The following RGS20 variants were observed in gnomAD, a reference collection of about 807,000 sequenced individuals.
RGS20 encodes the protein gz-selective GTPase-activating protein.
A neutral mutation model predicts 33.6 loss-of-function variants in RGS20; 30 were observed. That is an observed-to-expected ratio of 0.89 (90% CI 0.67 to 1.21). The LOEUF (loss-of-function observed/expected upper bound fraction) is 1.21, where lower values mean the gene tolerates loss of function less well. RGS20 is among the 50% of genes most tolerant of loss of function. RGS20 has a pLI of 0.00. For missense variants in RGS20, 472 were observed against 502.4 expected, an observed-to-expected ratio of 0.94 and a Z score of 0.58; for synonymous variants, 208 against 197.9, an observed-to-expected ratio of 1.05 and a Z score of -0.43.
chr8:53,933,809 G>T (rs1814046581), intron 2 of RGS20: 1 of 152,130 alleles, frequency 6.6e-6, no homozygotes, highest in East Asian at 1.9e-4. Flanking sequence ...ATAATCATCA[G>T]ATTCACCAAG....
At chr8:53,912,660 TTTTA>T (rs1479674465) in intron 2 of RGS20, among the ~76,000 whole-genome samples, 2 of 152,120 alleles carry the variant, frequency 1.3e-5, no homozygotes, top group African/African-American at 4.8e-5. Flanking sequence ...TCATAGGTGA[TTTTA>T]TTTGTGTATA....
intron 2 of RGS20, among the ~76,000 whole-genome samples, chr8:53,888,446 T>G (rs1045503278): frequency 3.3e-5 from 5 of 152,170 alleles, no homozygotes; most frequent in African/African-American, 1.2e-4. Context: ...GAACCACCAT[T>G]TAGATCAGGG....
At chr8:53,881,765 G>A (rs1228833335) in intron 2 of RGS20, among the ~76,000 whole-genome samples, 5 of 152,230 alleles carry the variant, frequency 3.3e-5, no homozygotes, top group African/African-American at 4.8e-5. Context: ...CCTGCGCCAG[G>A]GCAGTTAACG....
At chr8:53,874,844 G>C (rs1812162534) in intron 1 of RGS20, among the ~76,000 whole-genome samples, 2 of 152,286 alleles carry the variant, frequency 1.3e-5, no homozygotes, top group East Asian at 3.9e-4. Flanking sequence ...AATTACATCT[G>C]CTGCAATGCT....
rs1460600175 is a variant in RGS20 at position 53,948,360 on chromosome 8, A to G, written c.743+1612A>G. Reference sequence around the variant, plus strand: ...CAGTATATATTTATATATGCTATATATAAGACACAGTATATATTTATATAT... The same window carrying G: ...CAGTATATATTTATATATGCTATATGTAAGACACAGTATATATTTATATAT... On this transcript the variant is annotated intron_variant, in intron 4 of 5. Coordinates refer to ENST00000297313, the MANE Select transcript of RGS20 (RefSeq NM_170587.4). Among the ~76,000 whole-genome samples, 7 of 141,618 alleles carry G rather than the reference A, an allele frequency of 4.9e-5. No individual in the cohort carries two copies. In the East Asian group the frequency reaches 1.5e-3, roughly 30 times the overall value. The allele number at this position is 141,618 out of a possible 152,430, so 92.9% of individuals were successfully genotyped here. A position where few individuals can be genotyped will look rare whatever the true frequency, so the allele number is the denominator to read the frequency against.
chr8:53,915,241 C>G (rs182798859), intron 2 of RGS20, among the ~76,000 whole-genome samples: 2 of 152,232 alleles, frequency 1.3e-5, no homozygotes, highest in African/African-American at 4.8e-5. Context: ...AGAGGTTGCG[C>G]AGACCAACAG....
intron 1 of RGS20, among the ~76,000 whole-genome samples, chr8:53,862,306 G>A (rs948467733): frequency 6.6e-6 from 1 of 152,076 alleles, no homozygotes; most frequent in East Asian, 1.9e-4. Flanking sequence ...AATCTACAGG[G>A]AACACTCATA....
At chr8:53,904,267 G>T (rs1013027677) in intron 2 of RGS20, among the ~76,000 whole-genome samples, 1 of 152,030 alleles carries the variant, frequency 6.6e-6, no homozygotes, top group African/African-American at 2.4e-5. Context: ...AAGTAGCTGG[G>T]ATTACAGGTG....
At chr8:53,911,853 A>G (rs989453056) in intron 2 of RGS20, among the ~76,000 whole-genome samples, 1 of 152,212 alleles carries the variant, frequency 6.6e-6, no homozygotes, top group Non-Finnish European at 1.5e-5. Context: ...AGGCATGAGA[A>G]TCGCTTGAAC....
chr8:53,866,811 G>A (rs1811929641), intron 1 of RGS20, among the ~76,000 whole-genome samples: 1 of 152,148 alleles, frequency 6.6e-6, no homozygotes, highest in African/African-American at 2.4e-5. Context: ...AGAGAGCTGG[G>A]AAGTAACTGT....
intron 1 of RGS20, among the ~76,000 whole-genome samples, chr8:53,874,835 A>G (rs542825583): frequency 6.0e-4 from 91 of 152,132 alleles, no homozygotes; most frequent in Admixed American, 2.0e-3. Flanking sequence ...CATCTTACTA[A>G]TTACATCTGC....
rs114152340 is a variant in RGS20, at chr8:53,902,246, C to T, written c.510+22644C>T. 3.9e-3 allele frequency among the ~76,000 whole-genome samples: 594 copies of T among 152,288 alleles called. 5 individuals are homozygous for T. The highest frequency in any genetic ancestry group is 0.013 in the African/African-American group (528 of 41,556). ...TGCCCAGGCCGGTCTCAACTCCACCCGCTGTGTCCTCCCAAAGTGCTGGGA... is the reference window on the plus strand; with the variant it reads ...TGCCCAGGCCGGTCTCAACTCCACCTGCTGTGTCCTCCCAAAGTGCTGGGA... On this transcript the variant is annotated intron_variant, in intron 2 of 5. Coordinates refer to ENST00000297313, the MANE Select transcript of RGS20 (RefSeq NM_170587.4).
At chr8:53,932,974 G>C (rs527952354) in intron 2 of RGS20, among the ~76,000 whole-genome samples, 11 of 152,122 alleles carry the variant, frequency 7.2e-5, no homozygotes, top group Non-Finnish European at 1.3e-4. Flanking sequence ...TGGCAAACAG[G>C]GTCTGGCATG....
intron 2 of RGS20, among the ~76,000 whole-genome samples, chr8:53,926,770 G>C (rs1813810459): frequency 6.6e-6 from 1 of 152,046 alleles, no homozygotes; most frequent in South Asian, 2.1e-4. Flanking sequence ...AAATTAGCCA[G>C]GTGTGGTGGT....
In RGS20 at chr8:53,889,880, C is replaced by T. The variant is rs114668130; in HGVS notation, c.510+10278C>T. Among the ~76,000 whole-genome samples, 1,233 of 152,218 alleles carry T rather than the reference C, an allele frequency of 8.1e-3. 12 individuals are homozygous for T. The highest frequency in any genetic ancestry group is 0.027 in the African/African-American group (1,123 of 41,530). On this transcript the variant is annotated intron_variant, in intron 2 of 5. Coordinates refer to ENST00000297313, the MANE Select transcript of RGS20 (RefSeq NM_170587.4). Reference sequence around the variant, plus strand: ...TTTGAAGGTAGCCTGTTGTTATCCTCATAAAGTTTTTCTCTCATTTTTGAC... The same window carrying T: ...TTTGAAGGTAGCCTGTTGTTATCCTTATAAAGTTTTTCTCTCATTTTTGAC...
At chr8:53,882,051 G>A (rs778025024) in intron 2 of RGS20, among the ~76,000 whole-genome samples, 10 of 152,122 alleles carry the variant, frequency 6.6e-5, no homozygotes, top group Admixed American at 3.9e-4. Context: ...GGCGCTCCGG[G>A]ACCGGGGTGG....
chr8:53,939,604 G>C lies in RGS20; in HGVS notation c.539G>C (p.Arg180Pro). The change falls in exon 3 of 6, where the codon CGG becomes CCG. Residue 180 changes from arginine to proline, a missense_variant. This residue lies in a region of RGS20 where 319 missense variants were observed against 283.4 expected (regional missense o/e 1.13). Transcript: ENST00000297313. Reference sequence around the variant, plus strand: ...ATGGGATCAGAGCGGATGGAGATGCGGAAGCGGCAGATGCCCGCCGCCCAG... The same window carrying C: ...ATGGGATCAGAGCGGATGGAGATGCCGAAGCGGCAGATGCCCGCCGCCCAG... 5 of 1,603,194 alleles carry C rather than the reference G, an allele frequency of 3.1e-6. No individual in the cohort carries two copies. The highest frequency in any genetic ancestry group is 3.4e-6 in the Non-Finnish European group (4 of 1,175,440).
At chr8:53,885,790 CTT>C (rs1172257852) in intron 2 of RGS20, among the ~76,000 whole-genome samples, 1,411 of 112,700 alleles carry the variant, frequency 0.013, 16 homozygotes, top group African/African-American at 0.034. Flanking sequence ...GTATCTTACT[CTT>C]TTTTTTTTTT....
intron 3 of RGS20, chr8:53,945,299 A>G (rs1814440758): frequency 6.6e-6 from 1 of 152,232 alleles, no homozygotes; most frequent in Non-Finnish European, 1.5e-5. Context: ...GTGCCGATAC[A>G]TGCTACGGCA....
Sources: gnomAD v4.1 joint callset for allele counts (sites outside exome capture counted in the v4.1 genomes callset) on GRCh38, gnomAD v4.1.1 for gene constraint, gnomAD v4.1.1 regional missense constraint, MANE v1.5 for transcripts, NCBI Gene and HGNC (gene_info 2026-07-23, HGNC 2026-07-21) for gene names.